The following ALCAM variants were observed in gnomAD, a reference collection of about 807,000 sequenced individuals.
ALCAM encodes CD166 antigen.
A neutral mutation model predicts 70.9 loss-of-function variants in ALCAM; 30 were observed. The ratio of observed to expected loss-of-function variants is 0.42; its 90% CI spans 0.32 to 0.57. The LOEUF is 0.57. Ranked by LOEUF, ALCAM falls within the 20% of genes least tolerant of loss-of-function variation. The pLI is 0.11. For missense variants in ALCAM, 591 were observed against 695.1 expected, an observed-to-expected ratio of 0.85 and a Z score of 1.68; for synonymous variants, 249 against 242.5, an observed-to-expected ratio of 1.03 and a Z score of -0.25.
At chr3:105,533,847 G>A (rs1051982770) in intron 5 of ALCAM, among the ~76,000 whole-genome samples, 157 bp downstream of exon 5, 2 of 152,012 alleles carry the variant, frequency 1.3e-5, no homozygotes, top group Non-Finnish European at 2.9e-5. Flanking sequence ...GTGGGGGGAT[G>A]GTTTCAGGGT....
At chr3:105,571,464 C>A (rs191318146) in intron 14 of ALCAM, among the ~76,000 whole-genome samples, 184 of 152,204 alleles carry the variant, frequency 1.2e-3, no homozygotes, top group African/African-American at 4.2e-3. Flanking sequence ...GAAGGGAACG[C>A]GCCTTCATGA....
chr3:105,496,765 G>A (rs946297418), intron 1 of ALCAM, among the ~76,000 whole-genome samples: 3 of 151,766 alleles, frequency 2.0e-5, no homozygotes, highest in South Asian at 2.1e-4. Context: ...CCATCCTGAA[G>A]AAATTACTTC....
intron 1 of ALCAM, among the ~76,000 whole-genome samples, chr3:105,423,667 C>T (rs1272417834): frequency 1.3e-5 from 2 of 151,394 alleles, no homozygotes. Context: ...GCAAATATTT[C>T]GCTAGAAATT....
chr3:105,517,911 A>C (rs1939423806), intron 1 of ALCAM, among the ~76,000 whole-genome samples: 1 of 152,106 alleles, frequency 6.6e-6, no homozygotes, highest in Non-Finnish European at 1.5e-5. Flanking sequence ...TTGTTTCTGG[A>C]GATACAAAGC....
At chr3:105,519,606 GA>G (rs960552667) in intron 1 of ALCAM, among the ~76,000 whole-genome samples, 3 of 151,944 alleles carry the variant, frequency 2.0e-5, no homozygotes, top group Admixed American at 2.0e-4. Flanking sequence ...TTTTACAGAA[GA>G]AAAATTTGAT....
rs755818880 is a variant in ALCAM at position 105,547,375 on chromosome 3, A to G, written c.1241-15A>G. On this transcript the variant is annotated splice_polypyrimidine_tract_variant and intron_variant, in intron 10 of 15. Transcript: ENST00000306107. ...GATCTCAGTTCAACATCTTATTTTA[A>G]TTGTAATATTTCAGGCAAACCTCAA... The G allele has an allele frequency of 1.3e-6, 2 of 1,594,154 alleles. No individual in the cohort carries two copies. Among genetic ancestry groups the G allele is most frequent in the Non-Finnish European group, 1.7e-6 (2 of 1,172,506 alleles).
At chr3:105,378,701 C>T (rs899752795) in intron 1 of ALCAM, among the ~76,000 whole-genome samples, 2 of 150,478 alleles carry the variant, frequency 1.3e-5, no homozygotes, top group Non-Finnish European at 3.0e-5. Flanking sequence ...ACTAGAATGG[C>T]AAATACGTAT....
intron 1 of ALCAM, among the ~76,000 whole-genome samples, chr3:105,478,415 C>A (rs1426614664): frequency 6.6e-6 from 1 of 152,028 alleles, no homozygotes; most frequent in Non-Finnish European, 1.5e-5. Flanking sequence ...CCAGGATTCC[C>A]CCTTACAAAA....
intron 1 of ALCAM, among the ~76,000 whole-genome samples, chr3:105,413,960 A>G (rs1330298585): frequency 6.6e-6 from 1 of 152,132 alleles, no homozygotes; most frequent in Non-Finnish European, 1.5e-5. Flanking sequence ...TGCCTACTAT[A>G]TGCAAAACAT....
chr3:105,381,899 C>T (rs1004941638), intron 1 of ALCAM, among the ~76,000 whole-genome samples: 2 of 150,348 alleles, frequency 1.3e-5, no homozygotes, highest in African/African-American at 4.9e-5. Context: ...TTTTTATTGT[C>T]ATATTTTATT....
intron 1 of ALCAM, among the ~76,000 whole-genome samples, chr3:105,478,254 T>C (rs1938174189): frequency 6.6e-6 from 1 of 152,182 alleles, no homozygotes; most frequent in Non-Finnish European, 1.5e-5. Flanking sequence ...CTGCTGTTCT[T>C]GTGCAGCAGC....
At chr3:105,568,264 CA>C (rs1940789454) in intron 14 of ALCAM, among the ~76,000 whole-genome samples, 1 of 151,584 alleles carries the variant, frequency 6.6e-6, no homozygotes, top group Admixed American at 6.6e-5. Flanking sequence ...AAATTTTAGA[CA>C]AAAAACTTTT....
At chr3:105,512,102 T>C (rs1281075624) in intron 1 of ALCAM, among the ~76,000 whole-genome samples, 1 of 152,066 alleles carries the variant, frequency 6.6e-6, no homozygotes, top group Non-Finnish European at 1.5e-5. Flanking sequence ...TAAAGCATTT[T>C]GAGGGATATT....
intron 3 of ALCAM, among the ~76,000 whole-genome samples, chr3:105,526,780 A>C (rs1487441286): frequency 3.3e-5 from 5 of 152,190 alleles, no homozygotes; most frequent in Admixed American, 6.5e-5. Context: ...CAGCTGTGAC[A>C]GGGAGACTTT....
At chr3:105,573,538 G>T (rs1940900532) in intron 15 of ALCAM, among the ~76,000 whole-genome samples, 1 of 152,036 alleles carries the variant, frequency 6.6e-6, no homozygotes, top group African/African-American at 2.4e-5. Context: ...ATATGTAGAG[G>T]CATATGACTG....
At position 105,420,353 on chromosome 3, in the gene ALCAM, A is replaced by G. The variant is rs75261438; in HGVS notation, c.73+52872A>G. ...TTATGTAGGCACTGAACACATTTCA[A>G]TGTTTTTCTTTTTAAAGAAAATGAC... On this transcript the variant is annotated intron_variant, in intron 1 of 15. Coordinates refer to ENST00000306107, the MANE Select transcript of ALCAM (RefSeq NM_001627.4). Among the ~76,000 whole-genome samples the G allele has an allele frequency of 8.3e-3, 1,263 of 151,798 alleles. 17 individuals carry two copies. The highest frequency in any genetic ancestry group is 0.013 in the Non-Finnish European group (849 of 67,744).
chr3:105,455,646 C>CA (rs1332552968), intron 1 of ALCAM, among the ~76,000 whole-genome samples: 1 of 152,176 alleles, frequency 6.6e-6, no homozygotes, highest in East Asian at 1.9e-4. Flanking sequence ...GCGGAAGTAG[C>CA]TTTCCTGAAG....
At chr3:105,561,906 A>C (rs1393888991) in intron 14 of ALCAM, among the ~76,000 whole-genome samples, 1 of 152,222 alleles carries the variant, frequency 6.6e-6, no homozygotes, top group Non-Finnish European at 1.5e-5. Flanking sequence ...AAAAGCATGG[A>C]GTATGGCCAA....
At chr3:105,514,889 T>C (rs1939338448) in intron 1 of ALCAM, among the ~76,000 whole-genome samples, 1 of 151,976 alleles carries the variant, frequency 6.6e-6, no homozygotes, top group Non-Finnish European at 1.5e-5. Context: ...AGACCCAAAT[T>C]GGCCTCTAAC....
Sources: gnomAD v4.1 joint callset for allele counts (sites outside exome capture counted in the v4.1 genomes callset) on GRCh38, gnomAD v4.1.1 for gene constraint, MANE v1.5 for transcripts, NCBI Gene and HGNC (gene_info 2026-07-23, HGNC 2026-07-21) for gene names.